The following GMDS variants were observed in gnomAD, a reference collection of about 807,000 sequenced individuals.
GMDS encodes GDP-mannose 4,6 dehydratase.
A neutral mutation model predicts 49.9 loss-of-function variants in GMDS; 20 were observed. The observed-to-expected ratio is 0.40, with a 90% CI of 0.28 to 0.58. The LOEUF is 0.58. GMDS is among the 20% of genes least tolerant of loss of function. The probability of loss-of-function intolerance (pLI) is 0.42; values close to 1 mark genes in which losing one functional copy is unlikely to be tolerated. For synonymous variants in GMDS, 177 were observed against 178.6 expected, an observed-to-expected ratio of 0.99 and a Z score of 0.07; for missense variants, 362 against 481.4, an observed-to-expected ratio of 0.75 and a Z score of 2.32.
At chr6:2,079,281 T>C (rs1772533482) in intron 4 of GMDS, among the ~76,000 whole-genome samples, 1 of 152,024 alleles carries the variant, frequency 6.6e-6, no homozygotes, top group Admixed American at 6.6e-5. Context: ...TTCAAGATTA[T>C]TATTAACATG....
At chr6:1,767,644 T>C (rs542410648) in intron 7 of GMDS, among the ~76,000 whole-genome samples, 1 of 152,174 alleles carries the variant, frequency 6.6e-6, no homozygotes, top group Non-Finnish European at 1.5e-5. Context: ...GGCAGCCGAG[T>C]CTGGAGCGAG....
chr6:1,888,139 T>TTA (rs1254121482), intron 7 of GMDS, among the ~76,000 whole-genome samples: 2 of 144,196 alleles, frequency 1.4e-5, no homozygotes, highest in Non-Finnish European at 3.1e-5. Context: ...TTATTATTTT[T>TTA]TTTTTTTTTT....
chr6:1,767,812 A>ACT (rs543128230), intron 7 of GMDS, among the ~76,000 whole-genome samples: 1 of 152,158 alleles, frequency 6.6e-6, no homozygotes, highest in East Asian at 1.9e-4. Context: ...ATAACTTTGG[A>ACT]CTCTCTCCCA....
In GMDS at chr6:1,746,730, C is replaced by T. The variant is rs559168629; in HGVS notation, c.772-4144G>A. On this transcript the variant is annotated intron_variant, in intron 7 of 10. Coordinates refer to ENST00000380815, the MANE Select transcript of GMDS (RefSeq NM_001500.4). ...ATTTATTTATTTTTTGAGACAGAAT[C>T]TTGCTCTGTCGCCCAGGCTGGAGTA... Among the ~76,000 whole-genome samples, 4 of 152,160 alleles carry T rather than the reference C, an allele frequency of 2.6e-5. No individual in the cohort carries two copies. In the East Asian group the frequency reaches 5.8e-4, roughly 22 times the overall value.
intron 1 of GMDS, among the ~76,000 whole-genome samples, chr6:2,135,432 T>C (rs918903612): frequency 2.6e-5 from 4 of 152,242 alleles, no homozygotes; most frequent in African/African-American, 9.6e-5. Flanking sequence ...TGAATTTTCA[T>C]TGTTAAAAGC....
intron 1 of GMDS, among the ~76,000 whole-genome samples, chr6:2,192,249 C>G (rs1421430985): frequency 6.6e-6 from 1 of 152,122 alleles, no homozygotes; most frequent in Admixed American, 6.5e-5. Context: ...CTGCTAGGAG[C>G]TGAACACTCA....
chr6:1,717,619 C>A (rs967351005), intron 9 of GMDS: 2 of 152,116 alleles, frequency 1.3e-5, no homozygotes, highest in Admixed American at 6.5e-5. Flanking sequence ...TACTAAGGAA[C>A]AAGTAACTTT....
At chr6:1,878,420 T>C (rs1197785390) in intron 7 of GMDS, among the ~76,000 whole-genome samples, 1 of 151,570 alleles carries the variant, frequency 6.6e-6, no homozygotes, top group Non-Finnish European at 1.5e-5. Flanking sequence ...TTCCAAAAGA[T>C]TCTAGGAGAT....
chr6:1,961,676 T>G (rs1288351541), intron 4 of GMDS, among the ~76,000 whole-genome samples: 15 of 152,228 alleles, frequency 9.9e-5, no homozygotes, highest in Admixed American at 9.8e-4. Flanking sequence ...AATCTAATAT[T>G]AAGTCCCCTA....
intron 9 of GMDS, among the ~76,000 whole-genome samples, chr6:1,657,288 G>A (rs956203050): frequency 2.0e-5 from 3 of 152,228 alleles, no homozygotes; most frequent in Non-Finnish European, 4.4e-5. Context: ...AAGGGAGAAA[G>A]AGACAGCGCA....
chr6:1,721,064 T>C (rs1766368183), intron 9 of GMDS, among the ~76,000 whole-genome samples: 1 of 152,088 alleles, frequency 6.6e-6, no homozygotes, highest in South Asian at 2.1e-4. Flanking sequence ...TGATGACAGA[T>C]CAGGTTCCTG....
chr6:1,627,557 A>T (rs1449733570), intron 9 of GMDS, among the ~76,000 whole-genome samples: 1 of 152,208 alleles, frequency 6.6e-6, no homozygotes, highest in Non-Finnish European at 1.5e-5. Flanking sequence ...ACTTCCACAA[A>T]TCCCCTCCAA....
chr6:2,099,167 T>C (rs1773782865), intron 4 of GMDS, among the ~76,000 whole-genome samples: 3 of 152,112 alleles, frequency 2.0e-5, no homozygotes, highest in African/African-American at 7.2e-5. Context: ...CAGTGGCCAA[T>C]AATGGTCTAT....
intron 1 of GMDS, among the ~76,000 whole-genome samples, chr6:2,146,862 G>T (rs977491832): frequency 6.6e-6 from 1 of 152,168 alleles, no homozygotes; most frequent in Non-Finnish European, 1.5e-5. Flanking sequence ...TAACTGTTAA[G>T]TACAATCTAA....
intron 8 of GMDS, among the ~76,000 whole-genome samples, chr6:1,727,513 G>A (rs1459362491): frequency 6.6e-6 from 1 of 152,022 alleles, no homozygotes; most frequent in Non-Finnish European, 1.5e-5. Flanking sequence ...ATTATGAGCT[G>A]GAGATGAATC....
At chr6:1,969,793 T>G (rs1764496203) in intron 4 of GMDS, among the ~76,000 whole-genome samples, 1 of 152,156 alleles carries the variant, frequency 6.6e-6, no homozygotes, top group Non-Finnish European at 1.5e-5. Context: ...GTGCTTCACC[T>G]CGGAGTTCTC....
At chr6:2,070,407 C>T (rs376435076) in intron 4 of GMDS, among the ~76,000 whole-genome samples, 20 of 151,594 alleles carry the variant, frequency 1.3e-4, no homozygotes, top group Non-Finnish European at 2.7e-4. Flanking sequence ...ACCGTAAAAC[C>T]TAAAGTATAA....
chr6:2,019,938 C>T (rs1003855701), intron 4 of GMDS, among the ~76,000 whole-genome samples: 5 of 152,202 alleles, frequency 3.3e-5, no homozygotes, highest in Non-Finnish European at 5.9e-5. Flanking sequence ...ATAAATCCCA[C>T]TTGGTCATGG....
At position 1,859,083 on chromosome 6, in the gene GMDS, A is replaced by G. The variant is rs371348508; in HGVS notation, c.771+71020T>C. 6.6e-5 allele frequency among the ~76,000 whole-genome samples: 10 copies of G among 152,298 alleles called. No individual in the cohort carries two copies. The South Asian group carries it at 1.7e-3, about 25-fold the overall frequency. On this transcript the variant is annotated intron_variant, in intron 7 of 10. Transcript: ENST00000380815. ...TTTGTTTGCAGTCAGACCTGCACAG[A>G]GATGGTGCTTCCAGCCAGCCCTGGC...
Sources: gnomAD v4.1 joint callset for allele counts (sites outside exome capture counted in the v4.1 genomes callset) on GRCh38, gnomAD v4.1.1 for gene constraint, MANE v1.5 for transcripts, NCBI Gene and HGNC (gene_info 2026-07-23, HGNC 2026-07-21) for gene names.